TRUB1: variants seen among roughly 807,000 people sequenced by gnomAD.
The protein encoded by TRUB1 is pseudouridylate synthase TRUB1.
In TRUB1, 23 loss-of-function variants were observed where a neutral mutation model predicts 33.9. The observed-to-expected ratio is 0.68, with a 90% CI of 0.49 to 0.96. TRUB1 has a LOEUF of 0.96. Among genes scored for constraint, TRUB1 ranks in the 40% least tolerant of loss-of-function variants. TRUB1 has a pLI of 0.00. For synonymous variants in TRUB1, 163 were observed against 165.4 expected (o/e 0.99, Z 0.11); for missense variants, 378 against 422.2 (o/e 0.90, Z 0.92).
intron 5 of TRUB1, 25 bp downstream of exon 5, chr10:114,970,465 A>G: frequency 6.6e-7 from 1 of 1,526,414 alleles, no homozygotes; most frequent in African/African-American, 1.4e-5. Flanking sequence ...TAAATTTGGA[A>G]AAATGTTTAC....
At chr10:114,955,949 C>T (rs1476626174) in intron 3 of TRUB1, among the ~76,000 whole-genome samples, 9 of 152,218 alleles carry the variant, frequency 5.9e-5, no homozygotes, top group African/African-American at 2.2e-4. Flanking sequence ...TGTTCTTTCT[C>T]ATCCTCAGTA....
rs2084357221 is a variant in TRUB1, at chr10:114,975,613, A to G, written c.*234A>G. ...TGTGAAATGTTTTAGGATTTTTTGT[A>G]TTGTGAAAATATGAATATGATTGGA... On this transcript the variant is annotated 3_prime_UTR_variant, in exon 8 of 8. Coordinates refer to ENST00000298746, the MANE Select transcript of TRUB1 (RefSeq NM_139169.5). 1 of 334,474 alleles carries G rather than the reference A, an allele frequency of 3.0e-6. No individual in the cohort carries two copies. The highest frequency in any genetic ancestry group is 1.0e-4 in the South Asian group (1 of 9,890). 20.7% of individuals were successfully genotyped at this position (334,474 alleles called of 1,614,324 possible).
At chr10:114,945,476 T>C (rs1181759966) in intron 2 of TRUB1, among the ~76,000 whole-genome samples, 1 of 152,212 alleles carries the variant, frequency 6.6e-6, no homozygotes, top group African/African-American at 2.4e-5. Context: ...AGATCAATTC[T>C]ATTAATTTCG....
In TRUB1 at chr10:114,975,636, G is replaced by T. The variant is rs538551300; in HGVS notation, c.*257G>T. ...GTATTGTGAAAATATGAATATGATT[G>T]GATTCAGAAAAATTAACTTTCTGAA... On this transcript the variant is annotated 3_prime_UTR_variant, in exon 8 of 8. Transcript: ENST00000298746. The T allele has an allele frequency of 3.7e-6, 1 of 272,572 alleles. No individual in the cohort carries two copies. Among genetic ancestry groups the T allele is most frequent in the Admixed American group, 5.0e-5 (1 of 20,120 alleles). The allele number at this position is 272,572 out of a possible 1,614,324, so 16.9% of individuals were successfully genotyped here. A position where few individuals can be genotyped will look rare whatever the true frequency, so the allele number is the denominator to read the frequency against.
chr10:114,958,843 C>A lies in TRUB1; in HGVS notation c.442-883C>A, dbSNP rs149626363. On this transcript the variant is annotated intron_variant, in intron 3 of 7. Coordinates refer to ENST00000298746, the MANE Select transcript of TRUB1 (RefSeq NM_139169.5). ...TAGTAATTTATCTTTATTAAGAAAA[C>A]ACATGGCCGGGCGTGGTGGCTCACG... 9.3e-3 allele frequency among the ~76,000 whole-genome samples: 1,415 copies of A among 152,222 alleles called. 22 individuals carry two copies. Among genetic ancestry groups the A allele is most frequent in the African/African-American group, 0.032 (1,335 of 41,544 alleles).
At chr10:114,944,750 C>T (rs947598313) in intron 2 of TRUB1, among the ~76,000 whole-genome samples, 5 of 151,986 alleles carry the variant, frequency 3.3e-5, no homozygotes, top group South Asian at 2.1e-4. Flanking sequence ...TTTGGGAGGC[C>T]GAGGTAGGTG....
At chr10:114,960,718 G>A (rs1395095231) in intron 4 of TRUB1, among the ~76,000 whole-genome samples, 3 of 150,004 alleles carry the variant, frequency 2.0e-5, no homozygotes, top group African/African-American at 7.3e-5. Context: ...TTCAAAAACA[G>A]ATGTTGAAAT....
intron 5 of TRUB1, among the ~76,000 whole-genome samples, chr10:114,971,880 G>GT (rs1288029139): frequency 6.6e-6 from 1 of 152,172 alleles, no homozygotes; most frequent in East Asian, 1.9e-4. Flanking sequence ...AATAAAATTG[G>GT]TAACACTGCA....
intron 4 of TRUB1, among the ~76,000 whole-genome samples, chr10:114,960,630 T>A (rs2084281131): frequency 6.6e-6 from 1 of 152,146 alleles, no homozygotes; most frequent in South Asian, 2.1e-4. Context: ...CTGTTAACAT[T>A]TATATGTAGC....
At position 114,975,406 on chromosome 10, in the gene TRUB1, C is replaced by T; in HGVS notation, c.*27C>T. The T allele has an allele frequency of 6.6e-7, 1 of 1,508,918 alleles. No individual in the cohort carries two copies. Among genetic ancestry groups the T allele is most frequent in the Non-Finnish European group, 8.9e-7 (1 of 1,127,796 alleles). The allele number at this position is 1,508,918 out of a possible 1,614,324, so 93.5% of individuals were successfully genotyped here. A position where few individuals can be genotyped will look rare whatever the true frequency, so the allele number is the denominator to read the frequency against. ...ATTGGCCTGGGAATATCATCATTTTCTAGTTGACATTTGAATCCTGTGTGC... is the reference window on the plus strand; with the variant it reads ...ATTGGCCTGGGAATATCATCATTTTTTAGTTGACATTTGAATCCTGTGTGC... On this transcript the variant is annotated 3_prime_UTR_variant, in exon 8 of 8. Coordinates refer to ENST00000298746, the MANE Select transcript of TRUB1 (RefSeq NM_139169.5).
rs1298866041 is a variant in TRUB1, at chr10:114,975,500, A to C, written c.*121A>C. ...CTTTTTTTTTTTTGCATGAAGAAAAATGTCTATCATTTACAGTTTCAATAG... is the reference window on the plus strand; with the variant it reads ...CTTTTTTTTTTTTGCATGAAGAAAACTGTCTATCATTTACAGTTTCAATAG... On this transcript the variant is annotated 3_prime_UTR_variant, in exon 8 of 8. Coordinates refer to ENST00000298746, the MANE Select transcript of TRUB1 (RefSeq NM_139169.5). 2.1e-5 allele frequency: 21 copies of C among 1,013,022 alleles called. No individual in the cohort carries two copies. Among genetic ancestry groups the C allele is most frequent in the Non-Finnish European group, 2.8e-5 (20 of 717,920 alleles). The allele number at this position is 1,013,022 out of a possible 1,614,324, so 62.8% of individuals were successfully genotyped here.
In TRUB1 at chr10:114,975,123, A is replaced by G. The variant is rs749433095; in HGVS notation, c.794A>G (p.Glu265Gly). 4 of 1,605,006 alleles carry G rather than the reference A, an allele frequency of 2.5e-6. No individual in the cohort carries two copies. The highest frequency in any genetic ancestry group is 3.4e-5 in the Admixed American group (2 of 58,076). Residue 265 changes from glutamate (E) to glycine (G), a missense_variant and splice_region_variant, in exon 8 of 8, where the codon GAA (glutamate) becomes GGA (glycine). By Grantham distance (98) the Glu-to-Gly change is moderately conservative. Coordinates refer to ENST00000298746, the MANE Select transcript of TRUB1 (RefSeq NM_139169.5). ...TTTTTTCTACCTTTTGTTGCCATAGAACTATCTTCCTGTGCCAATGTGCTA... is the reference window on the plus strand; with the variant it reads ...TTTTTTCTACCTTTTGTTGCCATAGGACTATCTTCCTGTGCCAATGTGCTA... The part of the protein sequence containing the change: ...IRSLVSDIGK[E>G]LSSCANVLEL...
intron 2 of TRUB1, among the ~76,000 whole-genome samples, chr10:114,944,954 C>A (rs2084205310): frequency 6.6e-6 from 1 of 151,876 alleles, no homozygotes; most frequent in South Asian, 2.1e-4. Flanking sequence ...CACTGCACCC[C>A]AAAAAAACAA....
chr10:114,970,729 G>A (rs777437212), intron 5 of TRUB1, among the ~76,000 whole-genome samples: 1 of 152,286 alleles, frequency 6.6e-6, no homozygotes, highest in South Asian at 2.1e-4. Context: ...GGGCAGTTAA[G>A]GAGCCCAGAG....
rs375176982 is a variant in TRUB1 at position 114,964,887 on chromosome 10, A to G, written c.523+5080A>G. On this transcript the variant is annotated intron_variant, in intron 4 of 7. Coordinates refer to ENST00000298746, the MANE Select transcript of TRUB1 (RefSeq NM_139169.5). ...TTAGACTATCTGGATATCTGGAAGA[A>G]CAAGTCCTTCCTGCTTTATTTCTTA... Among the ~76,000 whole-genome samples the G allele has an allele frequency of 2.2e-4, 34 of 151,928 alleles. 2 individuals are homozygous for G. The East Asian group carries it at 3.5e-3, about 16-fold the overall frequency.
chr10:114,961,998 T>C (rs1223399379), intron 4 of TRUB1, among the ~76,000 whole-genome samples: 2 of 152,180 alleles, frequency 1.3e-5, no homozygotes, highest in African/African-American at 4.8e-5. Context: ...AAAATCAATA[T>C]GATGTAGTAA....
rs764669386 is a variant in TRUB1 at position 114,970,421 on chromosome 10, A to G, written c.577A>G (p.Ile193Val). The change falls in exon 5 of 8, where the codon ATA becomes GTA. Residue 193 changes from isoleucine to valine, a missense_variant. Transcript: ENST00000298746. ...CATTCTACAGAAATTTACTGGAAAT[A>G]TAATGCAAGTGCCCCCCCTGTAAGT... Reference protein sequence around the residue: ...EGILQKFTGNIMQVPPLYSAL... With the variant: ...EGILQKFTGNVMQVPPLYSAL... 43 of 1,611,546 alleles carry G rather than the reference A, an allele frequency of 2.7e-5. No individual in the cohort carries two copies. The highest frequency in any genetic ancestry group is 3.6e-5 in the Non-Finnish European group (43 of 1,178,108).
chr10:114,970,225 G>A (rs916765889), intron 4 of TRUB1, 143 bp from the exon 5 acceptor site: 2 of 530,256 alleles, frequency 3.8e-6, no homozygotes, highest in Non-Finnish European at 6.7e-6. Context: ...TTTTAACAAG[G>A]TAGAATTTTG....
chr10:114,951,262 C>T (rs1011314462), intron 3 of TRUB1, 113 bp downstream of exon 3: 2 of 724,476 alleles, frequency 2.8e-6, no homozygotes, highest in African/African-American at 3.6e-5. Context: ...GGGTATCATT[C>T]CTGAGTATTA....
Sources: allele counts gnomAD v4.1 joint callset (sites outside exome capture counted in the v4.1 genomes callset), GRCh38; gene constraint gnomAD v4.1.1; transcripts MANE v1.5; gene names NCBI Gene and HGNC (gene_info 2026-07-23, HGNC 2026-07-21).